SHISA6: variants seen among roughly 807,000 people sequenced by gnomAD.
The protein encoded by SHISA6 is shisa family member 6, also known as protein shisa-6.
A neutral mutation model predicts 47.9 loss-of-function variants in SHISA6; 22 were observed. The ratio of observed to expected loss-of-function variants is 0.46; its 90% CI spans 0.33 to 0.66. The LOEUF is 0.66. SHISA6 is among the 30% of genes least tolerant of loss of function. The pLI, the probability that SHISA6 is intolerant of heterozygous loss-of-function variation, is 0.02. For synonymous variants in SHISA6, 388 were observed against 337.8 expected, an observed-to-expected ratio of 1.15 and a Z score of -1.63; for missense variants, 680 against 764.6, an observed-to-expected ratio of 0.89 and a Z score of 1.30.
At chr17:11,474,764 T>C (rs1513746) in intron 3 of SHISA6, among the ~76,000 whole-genome samples, 39,992 of 152,028 alleles carry the variant, frequency 0.26, 5,276 homozygotes, top group Admixed American at 0.3. Flanking sequence ...AGTCTTGAAG[T>C]TGGGTACTGT....
chr17:11,241,872 GGTA>G lies in SHISA6; in HGVS notation c.451_453del (p.Val151del). 6.4e-7 allele frequency: 1 copy of G among 1,551,282 alleles called. No homozygotes were observed. Among genetic ancestry groups the G allele is most frequent in the South Asian group, 1.2e-5 (1 of 84,062 alleles). On this transcript the variant is annotated inframe_deletion, in exon 1 of 6. Coordinates refer to ENST00000441885, the MANE Select transcript of SHISA6 (RefSeq NM_207386.4). The surrounding 1 kb of genome is among the most constrained non-coding windows in gnomAD (Gnocchi z 5.5). Reference sequence around the variant, plus strand: ...GCACCAACTACCAGAGCCCGGTGTGGGTACAGACGCCCAGCACCAAGGTGGTGT... The same window carrying G: ...GCACCAACTACCAGAGCCCGGTGTGGCAGACGCCCAGCACCAAGGTGGTGT...
intron 2 of SHISA6, among the ~76,000 whole-genome samples, chr17:11,310,883 C>G (rs998190910): frequency 6.6e-6 from 1 of 151,760 alleles, no homozygotes; most frequent in Non-Finnish European, 1.5e-5. Flanking sequence ...CCTAGGTGGG[C>G]GCATCACAAG....
Position 11,498,965 on chromosome 17 carries a change from T to A in SHISA6, c.896-52931T>A, listed in dbSNP as rs898532851. 2.0e-5 allele frequency among the ~76,000 whole-genome samples: 3 copies of A among 152,148 alleles called. No individual in the cohort carries two copies. The East Asian group carries it at 5.8e-4, about 29-fold the overall frequency. ...TGCTACTTTATTGTCATTATTATTA[T>A]TAAAAGGGAAAGAGCGAGGCAGAGG... is the stretch of plus-strand genomic sequence containing the variant. On this transcript the variant is annotated intron_variant, in intron 3 of 5. Coordinates refer to ENST00000441885, the MANE Select transcript of SHISA6 (RefSeq NM_207386.4).
intron 2 of SHISA6, among the ~76,000 whole-genome samples, chr17:11,306,737 A>T (rs1324374611): frequency 6.6e-6 from 1 of 152,196 alleles, no homozygotes; most frequent in Non-Finnish European, 1.5e-5. Context: ...ATGACTTAAT[A>T]GGCTTCTGGT....
At chr17:11,554,381 T>C (rs1377845589) in intron 4 of SHISA6, among the ~76,000 whole-genome samples, 1 of 152,024 alleles carries the variant, frequency 6.6e-6, no homozygotes, top group Non-Finnish European at 1.5e-5. Flanking sequence ...GTCCCCAGTG[T>C]TGGGGGTGAC....
At chr17:11,430,298 T>C (rs1914718092) in intron 3 of SHISA6, among the ~76,000 whole-genome samples, 1 of 152,148 alleles carries the variant, frequency 6.6e-6, no homozygotes, top group Admixed American at 6.5e-5. Context: ...ACGAGACTGG[T>C]TGTGGCCCAT....
chr17:11,261,376 C>T (rs567261298), intron 1 of SHISA6, among the ~76,000 whole-genome samples: 30 of 152,322 alleles, frequency 2.0e-4, no homozygotes, highest in African/African-American at 6.0e-4. Flanking sequence ...TGCTGTACAC[C>T]CCTCTCTCTT....
intron 3 of SHISA6, among the ~76,000 whole-genome samples, chr17:11,522,247 G>A (rs779823356): frequency 4.0e-5 from 6 of 151,780 alleles, no homozygotes; most frequent in Non-Finnish European, 7.4e-5. Context: ...TTACAGGCGT[G>A]AGTCACCATG....
At chr17:11,382,501 G>C (rs187011292) in intron 3 of SHISA6, among the ~76,000 whole-genome samples, 3 of 152,206 alleles carry the variant, frequency 2.0e-5, no homozygotes, top group African/African-American at 7.2e-5. Flanking sequence ...AGTGCTAGCT[G>C]TAAGCAACTG....
chr17:11,497,015 T>A (rs1362000670), intron 3 of SHISA6, among the ~76,000 whole-genome samples: 1 of 152,234 alleles, frequency 6.6e-6, no homozygotes, highest in Non-Finnish European at 1.5e-5. Context: ...CAGATTCAGT[T>A]TGCATGCTGC....
chr17:11,489,588 G>A (rs1267873518), intron 3 of SHISA6, among the ~76,000 whole-genome samples: 1 of 152,154 alleles, frequency 6.6e-6, no homozygotes, highest in Non-Finnish European at 1.5e-5. Context: ...ATAAGGGTAG[G>A]AGAGCTGAAG....
At chr17:11,358,446 G>A (rs993366418) in intron 2 of SHISA6, among the ~76,000 whole-genome samples, 5 of 150,830 alleles carry the variant, frequency 3.3e-5, no homozygotes, top group South Asian at 2.1e-4. Context: ...TGCAAGCTCC[G>A]CCTCTTGGGT....
intron 2 of SHISA6, among the ~76,000 whole-genome samples, chr17:11,322,026 A>T (rs560793147): frequency 6.6e-6 from 1 of 152,292 alleles, no homozygotes; most frequent in South Asian, 2.1e-4. Context: ...AAGTTGTTTA[A>T]GTTTAAACAA....
At chr17:11,530,009 A>C (rs2071718836) in intron 3 of SHISA6, among the ~76,000 whole-genome samples, 1 of 152,156 alleles carries the variant, frequency 6.6e-6, no homozygotes, top group Non-Finnish European at 1.5e-5. Context: ...ACCTCCCCCA[A>C]AACAAACAAA....
At chr17:11,278,157 TC>T (rs998123264) in intron 2 of SHISA6, among the ~76,000 whole-genome samples, 2 of 152,296 alleles carry the variant, frequency 1.3e-5, no homozygotes, top group Non-Finnish European at 1.5e-5. Flanking sequence ...AGCAGTTATG[TC>T]GCTAGATGGA....
At chr17:11,554,336 G>C (rs1016860712) in intron 4 of SHISA6, among the ~76,000 whole-genome samples, 19 of 152,072 alleles carry the variant, frequency 1.2e-4, no homozygotes, top group Non-Finnish European at 2.4e-4. Context: ...GAGCTGGCAT[G>C]AACACCAGCT....
intron 1 of SHISA6, among the ~76,000 whole-genome samples, chr17:11,254,357 A>G (rs978994829): frequency 6.6e-6 from 1 of 152,178 alleles, no homozygotes; most frequent in Non-Finnish European, 1.5e-5. Flanking sequence ...TGAAAGATAC[A>G]TGCTGACACA....
Position 11,263,377 on chromosome 17 carries a change from A to T in SHISA6, c.650A>T (p.Asp217Val). 6.4e-7 allele frequency: 1 copy of T among 1,552,180 alleles called. No homozygotes were observed. The highest frequency in any genetic ancestry group is 8.7e-7 in the Non-Finnish European group (1 of 1,147,082). Residue 217 changes from aspartate to valine, a missense_variant, in exon 2 of 6, where the codon GAC becomes GTC. Asp to Val is a radical substitution (Grantham distance 152, BLOSUM62 -3). This residue lies in a region of SHISA6 where 559 missense variants were observed against 674.1 expected (regional missense o/e 0.83). Coordinates refer to ENST00000441885, the MANE Select transcript of SHISA6 (RefSeq NM_207386.4). ...TCCTCCTTGTTTAGGGCTCTGGCTG[A>T]CATCTTAAGACAACAGGGACCAATC... ...REMNIHRALA[D>V]ILRQQGPIPI... is the part of the protein sequence containing the mutation.
intron 3 of SHISA6, among the ~76,000 whole-genome samples, chr17:11,482,056 T>C (rs570188727): frequency 1.9e-4 from 29 of 152,002 alleles, no homozygotes; most frequent in Non-Finnish European, 3.5e-4. Flanking sequence ...CTAACATAGA[T>C]AATGGGAGTT....
Sources: allele counts gnomAD v4.1 joint callset (sites outside exome capture counted in the v4.1 genomes callset), GRCh38; gene constraint gnomAD v4.1.1; regional missense constraint gnomAD v4.1.1; non-coding constraint Gnocchi (gnomAD v3.1); transcripts MANE v1.5; gene names NCBI Gene and HGNC (gene_info 2026-07-23, HGNC 2026-07-21).